The following DNAH5 variants were observed in gnomAD, a reference collection of about 807,000 sequenced individuals.
DNAH5 encodes the protein axonemal beta dynein heavy chain 5.
Under a neutral mutation model 518.2 loss-of-function variants are expected in DNAH5, and 372 were observed. That is an observed-to-expected ratio of 0.72 (90% CI 0.66 to 0.78). DNAH5 has a LOEUF of 0.78. DNAH5 is among the 30% of genes least tolerant of loss of function. DNAH5 has a pLI of 0.00. For synonymous variants in DNAH5, 2,039 were observed against 2,025.9 expected, an observed-to-expected ratio of 1.01 and a Z score of -0.17; for missense variants, 5,523 against 5,687.0, an observed-to-expected ratio of 0.97 and a Z score of 0.93.
chr5:13,777,433 C>T, intron 53 of DNAH5, 78 bp from the exon 54 acceptor site: 1 of 1,325,034 alleles, frequency 7.5e-7, no homozygotes, highest in Non-Finnish European at 1.1e-6. Flanking sequence ...ACGCATTATG[C>T]CATTTAGCTA....
In DNAH5 at chr5:13,788,878, C is replaced by A; in HGVS notation, c.8485G>T (p.Val2829Phe). The A allele has an allele frequency of 6.2e-7, 1 of 1,614,148 alleles. No individual in the cohort carries two copies. Residue 2829 changes from valine (V) to phenylalanine (F), a missense_variant, in exon 51 of 79, where the codon GTT (valine) becomes TTT (phenylalanine). Around this residue, in one of 3 missense-constraint regions of DNAH5, gnomAD observed 5,121 missense variants for 5,223.3 expected, o/e 0.98. Coordinates refer to ENST00000265104, the MANE Select transcript of DNAH5 (RefSeq NM_001369.3). ...LKLWKHECKRVIADRFTVSSD... is the reference protein window; with the variant it reads ...LKLWKHECKRFIADRFTVSSD... ...GACACTGTGAAACGGTCAGCTATAACACGTTTACACTCATGCTTCCACAGC... is the reference window on the plus strand; with the variant it reads ...GACACTGTGAAACGGTCAGCTATAAAACGTTTACACTCATGCTTCCACAGC...
At chr5:13,698,024 T>G (rs1438659469) in intron 78 of DNAH5, among the ~76,000 whole-genome samples, 1 of 152,198 alleles carries the variant, frequency 6.6e-6, no homozygotes, top group Non-Finnish European at 1.5e-5. Context: ...ATGAATGAAT[T>G]AATGTCATCA....
chr5:13,994,262 T>C (rs1484119015), intron 1 of DNAH5, among the ~76,000 whole-genome samples: 1 of 152,146 alleles, frequency 6.6e-6, no homozygotes, highest in Non-Finnish European at 1.5e-5. Context: ...CTAACTCTCC[T>C]GACCTAACCA....
At chr5:13,859,424 G>A in intron 30 of DNAH5, 28 bp downstream of exon 30, 1 of 1,613,392 alleles carries the variant, frequency 6.2e-7, no homozygotes, top group East Asian at 2.2e-5. Flanking sequence ...TGAAAAATCT[G>A]ATGAAATCAT....
In DNAH5 at chr5:13,814,126, A is replaced by T. The variant is rs550237408; in HGVS notation, c.7230+479T>A. Among the ~76,000 whole-genome samples, 122 of 152,300 alleles carry T rather than the reference A, an allele frequency of 8.0e-4. 1 individual carries two copies. The highest frequency in any genetic ancestry group is 2.8e-3 in the African/African-American group (118 of 41,578). On this transcript the variant is annotated intron_variant, in intron 43 of 78. Transcript: ENST00000265104. Reference sequence around the variant, plus strand: ...TATGAATTGATGAGATGTTATCTGAAATATTATTGCCAAGTTCAAATTTGG... The same window carrying T: ...TATGAATTGATGAGATGTTATCTGATATATTATTGCCAAGTTCAAATTTGG...
chr5:13,929,568 C>T (rs183093386), intron 2 of DNAH5, among the ~76,000 whole-genome samples: 1 of 152,246 alleles, frequency 6.6e-6, no homozygotes, highest in East Asian at 1.9e-4. Context: ...AATAAGTCCC[C>T]TTCAATTTCC....
Position 13,735,723 on chromosome 5 carries a change from T to C in DNAH5, c.11570+95A>G, listed in dbSNP as rs929129461. The C allele has an allele frequency of 7.1e-6, 7 of 988,706 alleles. No individual in the cohort carries two copies. In the African/African-American group the frequency reaches 1.1e-4, roughly 16 times the overall value. The allele number at this position is 988,706 out of a possible 1,614,324, so 61.2% of individuals were successfully genotyped here. ...TCTGAGATTTAAAAAAGAAAAAGAC[T>C]CTTACTAACAAAGGAGAAGGAAGTT... On this transcript the variant is annotated intron_variant, in intron 67 of 78. Transcript: ENST00000265104.
At chr5:13,756,303 A>G (rs1338002359) in intron 61 of DNAH5, among the ~76,000 whole-genome samples, 2 of 152,144 alleles carry the variant, frequency 1.3e-5, no homozygotes, top group African/African-American at 4.8e-5. Flanking sequence ...AAAATGACTG[A>G]AGATCAAGTT....
chr5:13,860,840 T>C (rs1435232545), intron 29 of DNAH5, among the ~76,000 whole-genome samples: 1 of 152,248 alleles, frequency 6.6e-6, no homozygotes, highest in East Asian at 1.9e-4. Context: ...TATCCCTTCA[T>C]GGTTCTCTCT....
At position 13,889,344 on chromosome 5, in the gene DNAH5, G is replaced by A. The variant is rs184727457; in HGVS notation, c.2577+1632C>T. The stretch of plus-strand genomic sequence containing the variant: ...ATGGTTAGGTGTACCCACAGTTAGT[G>A]AATGTGAGGAGGAGGGACTAGAAAT... On this transcript the variant is annotated intron_variant, in intron 17 of 78. Transcript: ENST00000265104. 3.4e-3 allele frequency among the ~76,000 whole-genome samples: 514 copies of A among 152,316 alleles called. 5 individuals carry two copies. Among genetic ancestry groups the A allele is most frequent in the Non-Finnish European group, 3.5e-3 (235 of 68,022 alleles).
chr5:13,923,316 G>A lies in DNAH5; in HGVS notation c.402C>T (p.Asp134=), dbSNP rs1436861240. Residue 134 remains aspartate (D), a synonymous_variant, in exon 4 of 79, where the codon GAC becomes GAT. Coordinates refer to ENST00000265104, the MANE Select transcript of DNAH5 (RefSeq NM_001369.3). ...TGTCAGGGGTGATGGCTTTGGAAGG[G>A]TCAGTCCTGATGAAGAACACACATA... The part of the protein sequence containing the change: ...TGVCVFFIRT[D]PSKAITPDNI... The A allele has an allele frequency of 2.9e-5, 47 of 1,614,052 alleles. No homozygotes were observed. The highest frequency in any genetic ancestry group is 4.0e-5 in the Non-Finnish European group (47 of 1,179,990).
chr5:13,841,425 A>C (rs914520417), intron 33 of DNAH5, among the ~76,000 whole-genome samples: 17 of 152,142 alleles, frequency 1.1e-4, no homozygotes, highest in African/African-American at 4.1e-4. Flanking sequence ...TTACATCAAA[A>C]GATTGATTAG....
intron 1 of DNAH5, among the ~76,000 whole-genome samples, chr5:13,963,272 C>A (rs1781306853): frequency 6.6e-6 from 1 of 152,082 alleles, no homozygotes; most frequent in Admixed American, 6.5e-5. Context: ...TAAATCATTA[C>A]ATTCCTTAAA....
At chr5:13,769,245 TTG>T in intron 57 of DNAH5, 109 bp from the exon 58 acceptor site, 169 of 1,200,636 alleles carry the variant, frequency 1.4e-4, no homozygotes, top group Non-Finnish European at 1.6e-4. Context: ...CCCAGTTTTG[TTG>T]TTTTTTTTTT....
chr5:13,979,043 C>T (rs958119947), intron 1 of DNAH5, among the ~76,000 whole-genome samples: 1 of 152,124 alleles, frequency 6.6e-6, no homozygotes, highest in African/African-American at 2.4e-5. Flanking sequence ...GAGAACCCCA[C>T]CCCATTTACA....
chr5:13,776,745 A>G (rs1257943173), intron 54 of DNAH5, 39 bp from the exon 55 acceptor site: 6 of 1,605,168 alleles, frequency 3.7e-6, no homozygotes, highest in Non-Finnish European at 5.1e-6. Context: ...CAGTACACAC[A>G]TAGGAAAATA....
At chr5:13,961,643 GA>G (rs70964525) in intron 1 of DNAH5, among the ~76,000 whole-genome samples, 54,646 of 151,528 alleles carry the variant, frequency 0.36, 11,608 homozygotes, top group South Asian at 0.47. Context: ...GACTCCTTCT[GA>G]AAAAAAGAAA....
intron 1 of DNAH5, among the ~76,000 whole-genome samples, chr5:13,931,632 T>C (rs1226878294): frequency 6.6e-6 from 1 of 152,344 alleles, no homozygotes; most frequent in South Asian, 2.1e-4. Context: ...TAATATTTTT[T>C]CTACAGTATC....
intron 1 of DNAH5, among the ~76,000 whole-genome samples, chr5:13,956,550 T>C (rs1780775284): frequency 6.6e-6 from 1 of 152,238 alleles, no homozygotes; most frequent in African/African-American, 2.4e-5. Flanking sequence ...TTTGAGGATA[T>C]GCAGTAAAAG....
Sources: gnomAD v4.1 joint callset for allele counts (sites outside exome capture counted in the v4.1 genomes callset) on GRCh38, gnomAD v4.1.1 for gene constraint, gnomAD v4.1.1 regional missense constraint, MANE v1.5 for transcripts, NCBI Gene and HGNC (gene_info 2026-07-23, HGNC 2026-07-21) for gene names.